Variants in MAGI3 observed in about 807,000 individuals in gnomAD.
The protein encoded by MAGI3 is membrane-associated guanylate kinase, WW and PDZ domain-containing protein 3.
Under a neutral mutation model 121.8 loss-of-function variants are expected in MAGI3, and 43 were observed. That is an observed-to-expected ratio of 0.35 (90% CI 0.28 to 0.46). The LOEUF is 0.46. Among genes scored for constraint, MAGI3 ranks in the 20% least tolerant of loss-of-function variants. The pLI is 1.00. For missense variants in MAGI3, 1,547 were observed against 1,797.3 expected (o/e 0.86, Z 2.52); for synonymous variants, 553 against 639.3 (o/e 0.86, Z 2.04).
Position 113,391,358 on chromosome 1 carries a change from G to T in MAGI3, c.316+9G>T. The T allele has an allele frequency of 6.3e-7, 1 of 1,583,106 alleles. No homozygotes were observed. The highest frequency in any genetic ancestry group is 8.6e-7 in the Non-Finnish European group (1 of 1,165,688). On this transcript the variant is annotated intron_variant, in intron 1 of 20. Coordinates refer to ENST00000307546, the MANE Select transcript of MAGI3 (RefSeq NM_001142782.2). The surrounding 1 kb of genome is among the most constrained non-coding windows in gnomAD (Gnocchi z 4.4). ...CAAGACTGTGAAACCAGGTACGCCG[G>T]CCCTGCGTATCTGTCTCGGGGTGTT...
intron 1 of MAGI3, among the ~76,000 whole-genome samples, chr1:113,463,400 T>C (rs181977966): frequency 1.4e-5 from 2 of 143,692 alleles, no homozygotes; most frequent in East Asian, 3.3e-4. Context: ...ACTGAGAGGG[T>C]GCAACCAGTG....
intron 5 of MAGI3, among the ~76,000 whole-genome samples, chr1:113,594,255 T>C (rs1043433410): frequency 1.3e-5 from 2 of 152,222 alleles, no homozygotes; most frequent in African/African-American, 4.8e-5. Context: ...TTCTTTAAAG[T>C]CTCTTGATTC....
At position 113,601,664 on chromosome 1, in the gene MAGI3, C is replaced by A. The variant is rs551804744; in HGVS notation, c.1018+7104C>A. Among the ~76,000 whole-genome samples, 3 of 146,752 alleles carry A rather than the reference C, an allele frequency of 2.0e-5. No individual in the cohort carries two copies. In the East Asian group the frequency reaches 5.9e-4, roughly 29 times the overall value. Reference sequence around the variant, plus strand: ...TCAACCCTTGTGGAAGTCAGTGTGGCGATTCCTCAGGGATCTAGAACTAGA... The same window carrying A: ...TCAACCCTTGTGGAAGTCAGTGTGGAGATTCCTCAGGGATCTAGAACTAGA... On this transcript the variant is annotated intron_variant, in intron 6 of 20. Coordinates refer to ENST00000307546, the MANE Select transcript of MAGI3 (RefSeq NM_001142782.2).
intron 16 of MAGI3, among the ~76,000 whole-genome samples, chr1:113,663,800 T>C (rs1653908443): frequency 6.6e-6 from 1 of 152,182 alleles, no homozygotes; most frequent in African/African-American, 2.4e-5. Flanking sequence ...AGCTGCACCC[T>C]TTTATATTCC....
intron 1 of MAGI3, among the ~76,000 whole-genome samples, chr1:113,438,417 A>C (rs1173494473): frequency 6.6e-6 from 1 of 152,174 alleles, no homozygotes; most frequent in Non-Finnish European, 1.5e-5. Context: ...TTAACTAAGC[A>C]CTTATCACAT....
At chr1:113,593,874 T>G (rs1390616046) in intron 5 of MAGI3, among the ~76,000 whole-genome samples, 1 of 152,128 alleles carries the variant, frequency 6.6e-6, no homozygotes, top group Non-Finnish European at 1.5e-5. Flanking sequence ...TGATGAAAAC[T>G]TAGTTTTGTA....
chr1:113,558,684 G>A (rs1011321808), intron 2 of MAGI3, among the ~76,000 whole-genome samples: 36 of 152,090 alleles, frequency 2.4e-4, no homozygotes, highest in Admixed American at 1.2e-3. Flanking sequence ...GACAGGCCAA[G>A]CCAACATTCA....
chr1:113,602,848 C>A (rs1280109899), intron 6 of MAGI3, among the ~76,000 whole-genome samples: 1 of 151,936 alleles, frequency 6.6e-6, no homozygotes, highest in East Asian at 1.9e-4. Context: ...ATTACTTGAG[C>A]CTGGAGGAGG....
intron 1 of MAGI3, among the ~76,000 whole-genome samples, chr1:113,548,160 G>A (rs1057308056): frequency 2.6e-5 from 4 of 152,168 alleles, no homozygotes; most frequent in South Asian, 2.1e-4. Flanking sequence ...TCATAAGTGC[G>A]TTGCTCTAAA....
intron 1 of MAGI3, among the ~76,000 whole-genome samples, chr1:113,457,791 G>GC (rs1170135708): frequency 6.6e-6 from 1 of 152,146 alleles, no homozygotes; most frequent in African/African-American, 2.4e-5. Context: ...ATACTGTATG[G>GC]CAAGAGCTTT....
intron 1 of MAGI3, among the ~76,000 whole-genome samples, chr1:113,437,919 TCTC>T (rs10611548): frequency 0.74 from 22,109 of 30,074 alleles, 8,645 homozygotes; most frequent in East Asian, 0.85. Flanking sequence ...TCCTTCTCCT[TCTC>T]CTCCTTCTCC....
chr1:113,516,251 T>A (rs1657892195), intron 1 of MAGI3, among the ~76,000 whole-genome samples: 1 of 151,838 alleles, frequency 6.6e-6, no homozygotes, highest in Non-Finnish European at 1.5e-5. Flanking sequence ...GACCTTACAT[T>A]CAAATCTTGG....
At chr1:113,477,872 TGTAGATTTG>T (rs1655915697) in intron 1 of MAGI3, among the ~76,000 whole-genome samples, 1 of 152,186 alleles carries the variant, frequency 6.6e-6, no homozygotes, top group African/African-American at 2.4e-5. Context: ...ACCAATCAAA[TGTAGATTTG>T]GTCTTTTCAC....
intron 1 of MAGI3, among the ~76,000 whole-genome samples, chr1:113,464,628 G>T (rs1428572093): frequency 6.6e-6 from 1 of 152,092 alleles, no homozygotes; most frequent in South Asian, 2.1e-4. Context: ...ATGTATAAGG[G>T]TTCCCCTTTG....
At chr1:113,483,253 T>G (rs1156440483) in intron 1 of MAGI3, among the ~76,000 whole-genome samples, 2 of 152,234 alleles carry the variant, frequency 1.3e-5, no homozygotes, top group African/African-American at 4.8e-5. Context: ...TGACTTTTGA[T>G]GCTCTTTCTT....
chr1:113,460,346 C>T (rs1254124067), intron 1 of MAGI3, among the ~76,000 whole-genome samples: 2 of 152,128 alleles, frequency 1.3e-5, no homozygotes, highest in Non-Finnish European at 2.9e-5. Flanking sequence ...GAAACATTAC[C>T]CTTGAAAACC....
intron 1 of MAGI3, among the ~76,000 whole-genome samples, chr1:113,490,077 G>C (rs1290780767): frequency 6.6e-6 from 1 of 151,968 alleles, no homozygotes; most frequent in Non-Finnish European, 1.5e-5. Context: ...TCATCCCCAA[G>C]ATACATACTC....
chr1:113,475,994 G>A (rs547246926), intron 1 of MAGI3, among the ~76,000 whole-genome samples: 1,826 of 152,260 alleles, frequency 0.012, 28 homozygotes, highest in Non-Finnish European at 0.017. Flanking sequence ...ATTTCTTCTA[G>A]ATTTTCTAGT....
intron 9 of MAGI3, among the ~76,000 whole-genome samples, chr1:113,633,765 T>A (rs550702596): frequency 1.8e-4 from 28 of 152,328 alleles, no homozygotes; most frequent in African/African-American, 6.7e-4. Flanking sequence ...ATGGGATGGC[T>A]GGGTCAAATG....
Sources: allele counts gnomAD v4.1 joint callset (sites outside exome capture counted in the v4.1 genomes callset), GRCh38; gene constraint gnomAD v4.1.1; non-coding constraint Gnocchi (gnomAD v3.1); transcripts MANE v1.5; gene names NCBI Gene and HGNC (gene_info 2026-07-23, HGNC 2026-07-21).